The following SGMS2 variants were observed in gnomAD, a reference collection of about 807,000 sequenced individuals.
SGMS2 encodes the protein phosphatidylcholine:ceramide cholinephosphotransferase 2.
In SGMS2, 21 loss-of-function variants were observed where a neutral mutation model predicts 43.8. That is an observed-to-expected ratio of 0.48 (90% CI 0.34 to 0.69). The LOEUF (loss-of-function observed/expected upper bound fraction) is 0.69, where lower values mean the gene tolerates loss of function less well. Among genes scored for constraint, SGMS2 ranks in the 30% least tolerant of loss-of-function variants. The probability of loss-of-function intolerance (pLI) is 0.01; values close to 1 mark genes in which losing one functional copy is unlikely to be tolerated. For missense variants in SGMS2, 384 were observed against 443.2 expected, an observed-to-expected ratio of 0.87 and a Z score of 1.20; for synonymous variants, 167 against 160.6, an observed-to-expected ratio of 1.04 and a Z score of -0.30.
At chr4:107,880,138 T>C (rs1376128222) in intron 2 of SGMS2, among the ~76,000 whole-genome samples, 1 of 152,192 alleles carries the variant, frequency 6.6e-6, no homozygotes, top group Non-Finnish European at 1.5e-5. Flanking sequence ...GTACAGCTAC[T>C]AGAAGCTAAT....
At chr4:107,832,861 C>T (rs550058297) in intron 1 of SGMS2, among the ~76,000 whole-genome samples, 16 of 152,028 alleles carry the variant, frequency 1.1e-4, no homozygotes, top group Admixed American at 2.6e-4. Flanking sequence ...AACCCCTCCT[C>T]TACAAAAAAC....
chr4:107,889,326 T>C (rs1226719650), intron 2 of SGMS2, among the ~76,000 whole-genome samples: 1 of 152,190 alleles, frequency 6.6e-6, no homozygotes, highest in African/African-American at 2.4e-5. Flanking sequence ...CCTTATAGTA[T>C]TTGGCAGGGA....
chr4:107,911,454 T>G lies in SGMS2; in HGVS notation c.*901T>G, dbSNP rs1002265207. ...TCACACCACTTGGGGAATGAGCCTG[T>G]TTTCTTTCCAGGTCAGGCCCTGGTG... On this transcript the variant is annotated 3_prime_UTR_variant, in exon 7 of 7. Coordinates refer to ENST00000690982, the MANE Select transcript of SGMS2 (RefSeq NM_001375905.1). The G allele has an allele frequency of 6.6e-6, 1 of 152,192 alleles. No individual in the cohort carries two copies. The highest frequency in any genetic ancestry group is 1.5e-5 in the Non-Finnish European group (1 of 68,028). 9.4% of individuals were successfully genotyped at this position (152,192 alleles called of 1,614,324 possible). A position where few individuals can be genotyped will look rare whatever the true frequency, so the allele number is the denominator to read the frequency against.
In SGMS2 at chr4:107,831,308, C is replaced by T. The variant is rs548367574; in HGVS notation, c.-327+6055C>T. ...GGAACATTTCTGTGGTCCGTGCTGC[C>T]TTAAGATCATGAAATTATGCCAGAG... On this transcript the variant is annotated intron_variant, in intron 1 of 6. Transcript: ENST00000690982. Among the ~76,000 whole-genome samples the T allele has an allele frequency of 2.6e-5, 4 of 152,268 alleles. No individual in the cohort carries two copies. The South Asian group carries it at 8.3e-4, about 32-fold the overall frequency.
At chr4:107,909,248 G>A (rs1731894735) in intron 6 of SGMS2, among the ~76,000 whole-genome samples, 1 of 151,910 alleles carries the variant, frequency 6.6e-6, no homozygotes, top group Non-Finnish European at 1.5e-5. Context: ...TGGGATTACA[G>A]GTGCACGACA....
chr4:107,859,634 A>C (rs1255761035), intron 2 of SGMS2, among the ~76,000 whole-genome samples: 1 of 152,310 alleles, frequency 6.6e-6, no homozygotes, highest in South Asian at 2.1e-4. Context: ...TGTGCCAGGC[A>C]TTCTTGTCAG....
chr4:107,900,355 G>A (rs1331498482), intron 4 of SGMS2, among the ~76,000 whole-genome samples: 3 of 152,208 alleles, frequency 2.0e-5, no homozygotes, highest in Admixed American at 6.5e-5. Context: ...GGGTTGGGGT[G>A]TGCAGACCAC....
At chr4:107,903,474 G>A (rs1471923564) in intron 5 of SGMS2, 88 bp downstream of exon 5, 4 of 1,287,526 alleles carry the variant, frequency 3.1e-6, no homozygotes, top group Admixed American at 3.8e-5. Context: ...TTATTCTCTT[G>A]GGATTGATAA....
At chr4:107,890,142 A>G (rs1730081785) in intron 2 of SGMS2, among the ~76,000 whole-genome samples, 1 of 152,214 alleles carries the variant, frequency 6.6e-6, no homozygotes, top group African/African-American at 2.4e-5. Flanking sequence ...TCAGGTAACA[A>G]TATAAAAGCA....
intron 1 of SGMS2, among the ~76,000 whole-genome samples, chr4:107,828,911 A>C (rs530497792): frequency 6.6e-6 from 1 of 152,358 alleles, no homozygotes; most frequent in African/African-American, 2.4e-5. Flanking sequence ...GGAACATACA[A>C]ACTTTCTTAA....
At chr4:107,848,177 T>C (rs768933701) in intron 1 of SGMS2, among the ~76,000 whole-genome samples, 3 of 152,188 alleles carry the variant, frequency 2.0e-5, no homozygotes, top group Non-Finnish European at 4.4e-5. Flanking sequence ...GTATATAGCC[T>C]TTTCAGATTG....
chr4:107,875,011 T>C (rs778639518), intron 2 of SGMS2, among the ~76,000 whole-genome samples: 19 of 152,210 alleles, frequency 1.2e-4, no homozygotes, highest in Non-Finnish European at 2.5e-4. Flanking sequence ...CAATTATTTA[T>C]TTAAAAGCAA....
chr4:107,834,076 A>C (rs2125989122), intron 1 of SGMS2, among the ~76,000 whole-genome samples: 1 of 152,304 alleles, frequency 6.6e-6, no homozygotes, highest in Admixed American at 6.5e-5. Flanking sequence ...ACTGTAGGAG[A>C]AAAAAATCTG....
chr4:107,837,429 C>G (rs530563035), intron 1 of SGMS2, among the ~76,000 whole-genome samples: 55 of 152,242 alleles, frequency 3.6e-4, no homozygotes, highest in Non-Finnish European at 1.9e-4. Context: ...ACAGAATGTA[C>G]AACCTGTGGA....
intron 2 of SGMS2, among the ~76,000 whole-genome samples, chr4:107,868,274 A>T (rs993261715): frequency 2.6e-5 from 4 of 152,220 alleles, no homozygotes; most frequent in African/African-American, 9.6e-5. Flanking sequence ...TGGTCAACCA[A>T]CATTTCCCAG....
At chr4:107,872,911 A>T (rs1261074734) in intron 2 of SGMS2, among the ~76,000 whole-genome samples, 1 of 152,174 alleles carries the variant, frequency 6.6e-6, no homozygotes, top group Non-Finnish European at 1.5e-5. Flanking sequence ...TCAGTCTTAC[A>T]GATCCAGAAT....
intron 1 of SGMS2, among the ~76,000 whole-genome samples, chr4:107,854,634 T>C (rs1040405031): frequency 6.6e-6 from 1 of 152,196 alleles, no homozygotes; most frequent in African/African-American, 2.4e-5. Flanking sequence ...TGGAACTGTC[T>C]CCTCCTCAGC....
At chr4:107,908,820 G>C (rs1731836384) in intron 6 of SGMS2, 89 bp downstream of exon 6, 1 of 1,171,736 alleles carries the variant, frequency 8.5e-7, no homozygotes, top group Admixed American at 2.3e-5. Context: ...AGCCTAATGG[G>C]GATAACCGAT....
At chr4:107,910,202 A>C in intron 6 of SGMS2, 148 bp from the exon 7 acceptor site, 1 of 682,598 alleles carries the variant, frequency 1.5e-6, no homozygotes, top group South Asian at 1.9e-5. Context: ...GTCATGGTAG[A>C]GTTAGGGAAA....
Sources: allele counts gnomAD v4.1 joint callset (sites outside exome capture counted in the v4.1 genomes callset), GRCh38; gene constraint gnomAD v4.1.1; transcripts MANE v1.5; gene names NCBI Gene and HGNC (gene_info 2026-07-23, HGNC 2026-07-21).